The following PTDSS2 variants were observed in gnomAD, a reference collection of about 807,000 sequenced individuals.
PTDSS2 encodes the protein PSS-2.
Under a neutral mutation model 64.7 loss-of-function variants are expected in PTDSS2, and 41 were observed. The ratio of observed to expected loss-of-function variants is 0.63; its 90% CI spans 0.49 to 0.82. The LOEUF (loss-of-function observed/expected upper bound fraction) is 0.82. Ranked by LOEUF, PTDSS2 falls within the 40% of genes least tolerant of loss-of-function variation. The pLI is 0.00. For missense variants in PTDSS2, 485 were observed against 650.0 expected (o/e 0.75, Z 2.76); for synonymous variants, 297 against 277.8 (o/e 1.07, Z -0.69).
In PTDSS2 at chr11:450,590, C is replaced by T. The variant is rs780965420; in HGVS notation, c.135C>T (p.Arg45=). ...GQATGPGEGR[R]STESEVYDDG... is the part of the protein sequence containing the mutation. ...CCACCGGGCCGGGCGAGGGCCGCCG[C>T]AGCACCGAGTCCGAGGTCTACGACG... The change falls in exon 1 of 12, where the codon CGC becomes CGT. Residue 45 remains arginine, a synonymous_variant. Transcript: ENST00000308020. The T allele has an allele frequency of 1.6e-5, 20 of 1,243,602 alleles. No individual in the cohort carries two copies. The highest frequency in any genetic ancestry group is 8.2e-5 in the South Asian group (2 of 24,310). The allele number at this position is 1,243,602 out of a possible 1,614,324, so 77.0% of individuals were successfully genotyped here. A position where few individuals can be genotyped will look rare whatever the true frequency, so the allele number is the denominator to read the frequency against.
At chr11:483,516 A>T (rs892398409) in intron 4 of PTDSS2, among the ~76,000 whole-genome samples, 1 of 152,234 alleles carries the variant, frequency 6.6e-6, no homozygotes, top group African/African-American at 2.4e-5. Context: ...GAGTGTTTTT[A>T]TCATGAAAAG....
intron 3 of PTDSS2, among the ~76,000 whole-genome samples, chr11:478,509 G>A (rs1355541274): frequency 6.6e-6 from 1 of 151,942 alleles, no homozygotes; most frequent in Non-Finnish European, 1.5e-5. Context: ...CACTTTGGGA[G>A]GCTGAGGCGG....
intron 2 of PTDSS2, among the ~76,000 whole-genome samples, chr11:465,429 T>C (rs1396928630): frequency 6.6e-6 from 1 of 152,120 alleles, no homozygotes; most frequent in East Asian, 1.9e-4. Flanking sequence ...TGCTTTGGCC[T>C]CCCAAACTGC....
intron 1 of PTDSS2, among the ~76,000 whole-genome samples, chr11:450,855 G>T (rs957533275): frequency 1.3e-5 from 2 of 152,092 alleles, no homozygotes; most frequent in East Asian, 1.9e-4. Flanking sequence ...CGCTGTAGGT[G>T]GGGGAGACCC....
chr11:473,932 G>T lies in PTDSS2; in HGVS notation c.322G>T (p.Gly108Ter). The T allele has an allele frequency of 6.2e-7, 1 of 1,614,086 alleles. No individual in the cohort carries two copies. The change falls in exon 3 of 12, where the codon GGA (glycine) becomes TGA (stop). Residue 108 changes from glycine (G) to a stop codon, truncating the protein, a stop_gained. Coordinates refer to ENST00000308020, the MANE Select transcript of PTDSS2 (RefSeq NM_030783.3). LOFTEE classifies it high-confidence loss of function. ...VASILVFLCF[G>*]VTQAKDGPFS... ...CAGTATTTTGGTTTTCTTATGTTTT[G>T]GAGTCACACAAGCTAAAGACGGGCC...
rs1462022167 is a variant in PTDSS2 at position 479,731 on chromosome 11, C to T, written c.435+579C>T. 2.7e-5 allele frequency among the ~76,000 whole-genome samples: 4 copies of T among 149,502 alleles called. No individual in the cohort carries two copies. Among genetic ancestry groups the T allele is most frequent in the South Asian group, 2.1e-4 (1 of 4,742 alleles). On this transcript the variant is annotated intron_variant, in intron 4 of 11. Transcript: ENST00000308020. This position sits in a 1 kb window ranked among gnomAD's most constrained non-coding sequence, Gnocchi z 4.2. The stretch of plus-strand genomic sequence containing the variant: ...CCCATCCTGACCACATTCTGCAAGA[C>T]GAGCAGGGTGCAGGTGGGAGACGCA...
intron 2 of PTDSS2, among the ~76,000 whole-genome samples, chr11:472,295 G>T (rs186890988): frequency 2.5e-3 from 387 of 152,302 alleles, no homozygotes; most frequent in Non-Finnish European, 4.4e-3. Flanking sequence ...GCCTATGTCT[G>T]GCTCCAGGGG....
chr11:448,700 C>A (rs557574560), upstream of PTDSS2, among the ~76,000 whole-genome samples: 2 of 152,348 alleles, frequency 1.3e-5, no homozygotes, highest in African/African-American at 4.8e-5. Context: ...AGGCCCCATC[C>A]CTGCTGGGCG....
rs1847383698 is a variant in PTDSS2 at position 470,631 on chromosome 11, C to T, written c.285-3264C>T. Among the ~76,000 whole-genome samples the T allele has an allele frequency of 6.6e-6, 1 of 152,002 alleles. No individual in the cohort carries two copies. The highest frequency in any genetic ancestry group is 2.4e-5 in the African/African-American group (1 of 41,354). ...TTGAGACAGAGTATCACTGTGTCAC[C>T]CAGGCTGGAGTGTAGTGGCGTGATC... On this transcript the variant is annotated intron_variant, in intron 2 of 11. Transcript: ENST00000308020. This position sits in a 1 kb window ranked among gnomAD's most constrained non-coding sequence, Gnocchi z 5.3.
intron 1 of PTDSS2, 148 bp downstream of exon 1, chr11:450,785 C>G: frequency 1.4e-6 from 1 of 726,262 alleles, no homozygotes; most frequent in Non-Finnish European, 1.9e-6. Context: ...GCAGCACCGC[C>G]CCCCGGGTCC....
intron 2 of PTDSS2, among the ~76,000 whole-genome samples, chr11:473,468 A>G (rs527390998): frequency 1.3e-5 from 2 of 152,312 alleles, no homozygotes; most frequent in South Asian, 4.1e-4. Flanking sequence ...CTCTGTGTAG[A>G]GCCAGTGTCT....
At position 476,774 on chromosome 11, in the gene PTDSS2, G is replaced by T. The variant is rs1479680141; in HGVS notation, c.368-2311G>T. Among the ~76,000 whole-genome samples the T allele has an allele frequency of 6.6e-6, 1 of 152,204 alleles. No homozygotes were observed. The highest frequency in any genetic ancestry group is 1.5e-5 in the Non-Finnish European group (1 of 68,030). ...TCCCCTCCCACTGGGCAGGACTGGG[G>T]GTTCCTGGGGTGTTCAGTTTTTAGT... is the stretch of plus-strand genomic sequence containing the variant. On this transcript the variant is annotated intron_variant, in intron 3 of 11. Coordinates refer to ENST00000308020, the MANE Select transcript of PTDSS2 (RefSeq NM_030783.3). This position sits in a 1 kb window ranked among gnomAD's most constrained non-coding sequence, Gnocchi z 4.9.
At chr11:482,801 T>C (rs1341307951) in intron 4 of PTDSS2, among the ~76,000 whole-genome samples, 1 of 148,146 alleles carries the variant, frequency 6.8e-6, no homozygotes, top group African/African-American at 2.6e-5. Context: ...CCCTACCGAG[T>C]GGAGAAGGTT....
At chr11:448,450 T>G (rs760086148), upstream of PTDSS2, 1 of 149,954 alleles carries the variant, frequency 6.7e-6, no homozygotes, top group South Asian at 2.1e-4. Flanking sequence ...TGGGAAGAGG[T>G]CTGGGAGGGG....
At chr11:455,059 G>A (rs1403416928) in intron 1 of PTDSS2, among the ~76,000 whole-genome samples, 3 of 152,144 alleles carry the variant, frequency 2.0e-5, no homozygotes, top group Admixed American at 1.3e-4. Flanking sequence ...TGGCATTCTG[G>A]GTGTCCCTGA....
At chr11:449,389 G>C (rs1846223281), upstream of PTDSS2, among the ~76,000 whole-genome samples, 1 of 152,206 alleles carries the variant, frequency 6.6e-6, no homozygotes, top group Non-Finnish European at 1.5e-5. Context: ...ATGTTTTCAA[G>C]GTCCAGCTGT....
chr11:489,391 G>C lies in PTDSS2; in HGVS notation c.855-9G>C. On this transcript the variant is annotated splice_polypyrimidine_tract_variant and intron_variant, in intron 8 of 11. Coordinates refer to ENST00000308020, the MANE Select transcript of PTDSS2 (RefSeq NM_030783.3). Reference sequence around the variant, plus strand: ...GCCTTCCTCAGGCTGCCGGCTCTGTGGTTCCCAGGGGCAAGATGAAGAGGA... The same window carrying C: ...GCCTTCCTCAGGCTGCCGGCTCTGTCGTTCCCAGGGGCAAGATGAAGAGGA... 1 of 1,611,410 alleles carries C rather than the reference G, an allele frequency of 6.2e-7. No homozygotes were observed. Among genetic ancestry groups the C allele is most frequent in the Non-Finnish European group, 8.5e-7 (1 of 1,178,840 alleles).
intron 1 of PTDSS2, among the ~76,000 whole-genome samples, chr11:456,702 G>C (rs369613269): frequency 6.6e-6 from 1 of 152,096 alleles, no homozygotes; most frequent in African/African-American, 2.4e-5. Flanking sequence ...TTTCTGGGTC[G>C]CCGAATCCAG....
Position 491,322 on chromosome 11 carries a change from A to T in PTDSS2, c.*740A>T, listed in dbSNP as rs1228297019. On this transcript the variant is annotated 3_prime_UTR_variant, in exon 12 of 12. Coordinates refer to ENST00000308020, the MANE Select transcript of PTDSS2 (RefSeq NM_030783.3). ...GGGGTCATGCTGCCTCCGTGGCTCC[A>T]AGGTGAGGGTCATCTTCACGAGCAA... 6.6e-6 allele frequency: 1 copy of T among 152,452 alleles called. No homozygotes were observed. Among genetic ancestry groups the T allele is most frequent in the African/African-American group, 2.4e-5 (1 of 41,454 alleles). The allele number at this position is 152,452 out of a possible 1,614,324, so 9.4% of individuals were successfully genotyped here.
Sources: gnomAD v4.1 joint callset for allele counts (sites outside exome capture counted in the v4.1 genomes callset) on GRCh38, gnomAD v4.1.1 for gene constraint, Gnocchi (gnomAD v3.1) non-coding constraint, MANE v1.5 for transcripts, NCBI Gene and HGNC (gene_info 2026-07-23, HGNC 2026-07-21) for gene names.